The following GXYLT1 variants were observed in gnomAD, a reference collection of about 807,000 sequenced individuals.
GXYLT1 encodes glucoside xylosyltransferase 1.
GXYLT1 carries 29 observed loss-of-function variants against 54.0 expected under a neutral mutation model. The ratio of observed to expected loss-of-function variants is 0.54; its 90% CI spans 0.40 to 0.73. The LOEUF is 0.73. Ranked by LOEUF, GXYLT1 falls within the 30% of genes least tolerant of loss-of-function variation. GXYLT1 has a pLI of 0.00. For missense variants in GXYLT1, 490 were observed against 553.4 expected (o/e 0.89, Z 1.15); for synonymous variants, 176 against 204.1 (o/e 0.86, Z 1.17).
intron 7 of GXYLT1, among the ~76,000 whole-genome samples, chr12:42,091,061 T>C (rs2065326137): frequency 6.6e-6 from 1 of 152,226 alleles, no homozygotes; most frequent in South Asian, 2.1e-4. Flanking sequence ...TGACTAAGCC[T>C]CTGTCTGAAA....
chr12:42,084,397 A>G lies in GXYLT1; in HGVS notation c.*3389T>C, dbSNP rs894149187. 1 of 152,398 alleles carries G rather than the reference A, an allele frequency of 6.6e-6. No homozygotes were observed. Among genetic ancestry groups the G allele is most frequent in the Non-Finnish European group, 1.5e-5 (1 of 68,114 alleles). 9.4% of individuals were successfully genotyped at this position (152,398 alleles called of 1,614,324 possible). A position where few individuals can be genotyped will look rare whatever the true frequency, so the allele number is the denominator to read the frequency against. On this transcript the variant is annotated 3_prime_UTR_variant, in exon 8 of 8. Coordinates refer to ENST00000398675, the MANE Select transcript of GXYLT1 (RefSeq NM_173601.2). Reference sequence around the variant, plus strand: ...AACTCTTCCTTACATAAACAAATTCATACTGGAGATATATGTCAGAAAACA... The same window carrying G: ...AACTCTTCCTTACATAAACAAATTCGTACTGGAGATATATGTCAGAAAACA...
intron 1 of GXYLT1, among the ~76,000 whole-genome samples, chr12:42,136,087 T>G (rs971572828): frequency 1.3e-5 from 2 of 152,220 alleles, no homozygotes; most frequent in African/African-American, 4.8e-5. Flanking sequence ...TTGTTTATAG[T>G]TTTTTAACTC....
At position 42,085,742 on chromosome 12, in the gene GXYLT1, G is replaced by A; in HGVS notation, c.*2044C>T. 1 of 152,302 alleles carries A rather than the reference G, an allele frequency of 6.6e-6. No homozygotes were observed. Among genetic ancestry groups the A allele is most frequent in the Non-Finnish European group, 1.5e-5 (1 of 68,064 alleles). The allele number at this position is 152,302 out of a possible 1,614,324, so 9.4% of individuals were successfully genotyped here. A position where few individuals can be genotyped will look rare whatever the true frequency, so the allele number is the denominator to read the frequency against. ...GGAAATTTGCTTAAGGACTGGCTAT[G>A]AGATGAAGCCGAAGGACTGCTGCTG... On this transcript the variant is annotated 3_prime_UTR_variant, in exon 8 of 8. Transcript: ENST00000398675.
At chr12:42,123,025 T>G (rs955683474) in intron 2 of GXYLT1, among the ~76,000 whole-genome samples, 1 of 152,122 alleles carries the variant, frequency 6.6e-6, no homozygotes, top group Non-Finnish European at 1.5e-5. Flanking sequence ...TTAAGGGACA[T>G]TCTGCAAAAC....
chr12:42,125,670 G>GT (rs1474288993), intron 2 of GXYLT1, among the ~76,000 whole-genome samples: 2 of 152,150 alleles, frequency 1.3e-5, no homozygotes, highest in Non-Finnish European at 2.9e-5. Flanking sequence ...GGTGATGACA[G>GT]TAAGAGTCAG....
Position 42,087,683 on chromosome 12 carries a change from G to T in GXYLT1, c.*103C>A. Reference sequence around the variant, plus strand: ...TCTTTAGGAAAAAAAAAATTATTCTGGAGATGAGTAATTCCTTCCTGAATA... The same window carrying T: ...TCTTTAGGAAAAAAAAAATTATTCTTGAGATGAGTAATTCCTTCCTGAATA... On this transcript the variant is annotated 3_prime_UTR_variant, in exon 8 of 8. Transcript: ENST00000398675. The T allele has an allele frequency of 1.3e-6, 1 of 778,148 alleles. No individual in the cohort carries two copies. The highest frequency in any genetic ancestry group is 1.9e-5 in the South Asian group (1 of 51,976). The allele number at this position is 778,148 out of a possible 1,614,324, so 48.2% of individuals were successfully genotyped here.
intron 3 of GXYLT1, among the ~76,000 whole-genome samples, chr12:42,112,418 C>T (rs1023092240): frequency 2.6e-5 from 4 of 151,962 alleles, no homozygotes; most frequent in South Asian, 4.1e-4. Context: ...AATGGATAAA[C>T]AGAATAACCA....
intron 1 of GXYLT1, among the ~76,000 whole-genome samples, 196 bp downstream of exon 1, chr12:42,144,230 G>C (rs2065666863): frequency 6.6e-6 from 1 of 152,236 alleles, no homozygotes; most frequent in Non-Finnish European, 1.5e-5. Context: ...AACACAGAAA[G>C]TGTAGGACAC....
At chr12:42,119,272 G>C (rs889303767) in intron 2 of GXYLT1, 101 bp from the exon 3 acceptor site, 14 of 937,080 alleles carry the variant, frequency 1.5e-5, no homozygotes, top group Non-Finnish European at 1.7e-5. Context: ...CAGATGTTGT[G>C]ACTCATGCCT....
chr12:42,115,016 C>T (rs1476736566), intron 3 of GXYLT1, among the ~76,000 whole-genome samples: 1 of 152,128 alleles, frequency 6.6e-6, no homozygotes, highest in Non-Finnish European at 1.5e-5. Flanking sequence ...ATAAATAGAA[C>T]CAAAGACAAA....
At chr12:42,098,758 A>AATATATATATATATATATATATATATAT in intron 5 of GXYLT1, among the ~76,000 whole-genome samples, 1 of 17,772 alleles carries the variant, frequency 5.6e-5, no homozygotes, top group African/African-American at 2.0e-4. Flanking sequence ...TTAAATTTAA[A>AATATATATATATATATATATATATATAT]ACATATATAT....
In GXYLT1 at chr12:42,144,829, T is replaced by C. The variant is rs2065673628; in HGVS notation, c.-183A>G. The C allele has an allele frequency of 5.2e-6, 2 of 384,300 alleles. No homozygotes were observed. Among genetic ancestry groups the C allele is most frequent in the African/African-American group, 2.1e-5 (1 of 46,764 alleles). The allele number at this position is 384,300 out of a possible 1,614,324, so 23.8% of individuals were successfully genotyped here. On this transcript the variant is annotated 5_prime_UTR_variant, in exon 1 of 8. Coordinates refer to ENST00000398675, the MANE Select transcript of GXYLT1 (RefSeq NM_173601.2). ...CCACCTAGGCGAGCGCAGTCGCGGC[T>C]CCGGAGCCGAAGGACTACCCGCCCG... is the stretch of plus-strand genomic sequence containing the variant.
At chr12:42,126,937 A>C (rs1247997295) in intron 2 of GXYLT1, among the ~76,000 whole-genome samples, 2 of 152,104 alleles carry the variant, frequency 1.3e-5, no homozygotes, top group African/African-American at 2.4e-5. Flanking sequence ...AACTATGTAA[A>C]AGCATATGAT....
rs145067133 is a variant in GXYLT1 at position 42,109,438 on chromosome 12, T to C, written c.612+128A>G. 7.2e-4 allele frequency: 449 copies of C among 625,968 alleles called. 4 individuals carry two copies. The highest frequency in any genetic ancestry group is 7.2e-3 in the African/African-American group (373 of 52,010). 38.8% of individuals were successfully genotyped at this position (625,968 alleles called of 1,614,324 possible). On this transcript the variant is annotated intron_variant, in intron 4 of 7. Coordinates refer to ENST00000398675, the MANE Select transcript of GXYLT1 (RefSeq NM_173601.2). ...GTTCAAAAGGAAGATAGTACATGCA[T>C]TGATTTCTATTTACTAATTTAATTA...
chr12:42,102,192 T>C (rs2065394204), intron 5 of GXYLT1, among the ~76,000 whole-genome samples: 1 of 152,202 alleles, frequency 6.6e-6, no homozygotes, highest in Admixed American at 6.5e-5. Flanking sequence ...GTCCTATACA[T>C]ACATATAAAA....
At chr12:42,132,395 T>G (rs950048139) in intron 1 of GXYLT1, among the ~76,000 whole-genome samples, 2 of 152,230 alleles carry the variant, frequency 1.3e-5, no homozygotes, top group Non-Finnish European at 2.9e-5. Flanking sequence ...TCCTGTTTAC[T>G]CCAACTTAAA....
At chr12:42,106,119 A>G in intron 4 of GXYLT1, 50 bp from the exon 5 acceptor site, 1 of 1,358,482 alleles carries the variant, frequency 7.4e-7, no homozygotes, top group Non-Finnish European at 1.0e-6. Flanking sequence ...TTTTAAAAAG[A>G]AACATAAAAG....
At chr12:42,091,875 C>T (rs1012620332) in intron 7 of GXYLT1, among the ~76,000 whole-genome samples, 8 of 152,194 alleles carry the variant, frequency 5.3e-5, no homozygotes, top group Admixed American at 1.3e-4. Context: ...TCGGCCCCTG[C>T]TGACTTTCAT....
At chr12:42,141,546 A>G (rs2065652373) in intron 1 of GXYLT1, among the ~76,000 whole-genome samples, 1 of 151,450 alleles carries the variant, frequency 6.6e-6, no homozygotes, top group South Asian at 2.1e-4. Flanking sequence ...TGCTTTCACC[A>G]CAAAAAAAAA....
Sources: allele counts gnomAD v4.1 joint callset (sites outside exome capture counted in the v4.1 genomes callset), GRCh38; gene constraint gnomAD v4.1.1; transcripts MANE v1.5; gene names NCBI Gene and HGNC (gene_info 2026-07-23, HGNC 2026-07-21).